The following CHN1 variants were observed in gnomAD, a reference collection of about 807,000 sequenced individuals.
CHN1 encodes chimerin 1, also known as N-chimaerin.
A neutral mutation model predicts 59.5 loss-of-function variants in CHN1; 37 were observed. That is an observed-to-expected ratio of 0.62 (90% CI 0.48 to 0.82). The LOEUF is 0.82. CHN1 is among the 40% of genes least tolerant of loss of function. The pLI is 0.00. For missense variants in CHN1, 469 were observed against 571.0 expected (o/e 0.82, Z 1.82); for synonymous variants, 206 against 200.4 (o/e 1.03, Z -0.24).
At chr2:174,851,826 A>G (rs898762474) in intron 6 of CHN1, among the ~76,000 whole-genome samples, 1 of 152,234 alleles carries the variant, frequency 6.6e-6, no homozygotes, top group Non-Finnish European at 1.5e-5. Context: ...TTCATTGACA[A>G]TATGATTCTA....
chr2:174,939,905 G>A (rs558966591), intron 3 of CHN1, among the ~76,000 whole-genome samples: 11 of 152,134 alleles, frequency 7.2e-5, no homozygotes, highest in African/African-American at 2.4e-4. Flanking sequence ...CTGTAAATTG[G>A]TTCTCTTTGT....
At chr2:174,991,265 T>G (rs1425387826) in intron 1 of CHN1, among the ~76,000 whole-genome samples, 1 of 152,200 alleles carries the variant, frequency 6.6e-6, no homozygotes, top group East Asian at 1.9e-4. Context: ...GCTAACAGCC[T>G]AGAAAAGTCT....
In CHN1 at chr2:174,800,031, A is replaced by G; in HGVS notation, c.*85T>C. ...TATATGCCCAAACCTCTAATCAAGA[A>G]ATAATGCAGCTACAGGAGCAAATTA... On this transcript the variant is annotated 3_prime_UTR_variant, in exon 13 of 13. Coordinates refer to ENST00000409900, the MANE Select transcript of CHN1 (RefSeq NM_001822.7). 1 of 1,289,368 alleles carries G rather than the reference A, an allele frequency of 7.8e-7. No individual in the cohort carries two copies. The highest frequency in any genetic ancestry group is 2.1e-4 in the Middle Eastern group (1 of 4,834). The allele number at this position is 1,289,368 out of a possible 1,614,324, so 79.9% of individuals were successfully genotyped here.
At chr2:174,902,616 C>T (rs1688421911) in intron 5 of CHN1, among the ~76,000 whole-genome samples, 1 of 152,046 alleles carries the variant, frequency 6.6e-6, no homozygotes, top group African/African-American at 2.4e-5. Flanking sequence ...TTCACTTATT[C>T]CAAATAGCAC....
chr2:174,847,212 G>T, intron 6 of CHN1: 1 of 1,469,348 alleles, frequency 6.8e-7, no homozygotes, highest in Non-Finnish European at 9.0e-7. Flanking sequence ...TGAGCATTCT[G>T]CCAGGCAGCA....
Position 175,005,308 on chromosome 2 carries a change from A to C in CHN1, c.-396T>G. 1.7e-6 allele frequency: 2 copies of C among 1,192,604 alleles called. No individual in the cohort carries two copies. Among genetic ancestry groups the C allele is most frequent in the Non-Finnish European group, 2.1e-6 (2 of 944,718 alleles). The allele number at this position is 1,192,604 out of a possible 1,614,324, so 73.9% of individuals were successfully genotyped here. On this transcript the variant is annotated 5_prime_UTR_variant, in exon 1 of 13. Transcript: ENST00000409900. ...ACGGGGAGAGCAGCAGCAGCCTCGC[A>C]CAGCCCCCGGCGGGGCGCGCTCACT...
chr2:174,952,234 G>A (rs1690045354), intron 1 of CHN1, 32 bp from the exon 2 acceptor site: 5 of 1,230,314 alleles, frequency 4.1e-6, no homozygotes, highest in Non-Finnish European at 5.5e-6. Context: ...TAACATTACT[G>A]AATATTTAAA....
At chr2:174,902,377 T>G (rs972952038) in intron 5 of CHN1, among the ~76,000 whole-genome samples, 1 of 152,170 alleles carries the variant, frequency 6.6e-6, no homozygotes, top group Non-Finnish European at 1.5e-5. Flanking sequence ...CTGGAATTAT[T>G]ATATCAATGT....
At chr2:174,817,311 G>A (rs1685302564) in intron 8 of CHN1, among the ~76,000 whole-genome samples, 1 of 152,088 alleles carries the variant, frequency 6.6e-6, no homozygotes, top group Admixed American at 6.5e-5. Flanking sequence ...AAAATGCAGT[G>A]ATAAAACTTG....
At chr2:174,933,129 T>C (rs1174605577) in intron 3 of CHN1, among the ~76,000 whole-genome samples, 17 of 152,186 alleles carry the variant, frequency 1.1e-4, no homozygotes, top group Admixed American at 1.1e-3. Context: ...GTTGGAGATG[T>C]CTATTAGACA....
At chr2:174,827,665 T>C (rs1344081391) in intron 7 of CHN1, among the ~76,000 whole-genome samples, 1 of 152,102 alleles carries the variant, frequency 6.6e-6, no homozygotes, top group Admixed American at 6.6e-5. Flanking sequence ...GGTGGTGCTA[T>C]GGCAGTCACC....
chr2:174,823,048 A>G lies in CHN1; in HGVS notation c.712+1386T>C, dbSNP rs1685553583. Reference sequence around the variant, plus strand: ...GGAACATTTCCATGCAATACATACTATATCTTGCTATTCAAAGGAAATGCA... The same window carrying G: ...GGAACATTTCCATGCAATACATACTGTATCTTGCTATTCAAAGGAAATGCA... On this transcript the variant is annotated intron_variant, in intron 8 of 12. Transcript: ENST00000409900. Among the ~76,000 whole-genome samples, 3 of 152,206 alleles carry G rather than the reference A, an allele frequency of 2.0e-5. No homozygotes were observed. In the South Asian group the frequency reaches 6.2e-4, roughly 31 times the overall value.
intron 7 of CHN1, among the ~76,000 whole-genome samples, chr2:174,829,862 T>C (rs76878740): frequency 3.5e-3 from 525 of 152,136 alleles, no homozygotes; most frequent in Non-Finnish European, 6.5e-3. Context: ...GTCAGGAAAG[T>C]TTTTTCTTCC....
chr2:174,853,293 C>A (rs1477054667), intron 6 of CHN1, among the ~76,000 whole-genome samples: 2 of 152,040 alleles, frequency 1.3e-5, no homozygotes, highest in Non-Finnish European at 2.9e-5. Flanking sequence ...AGGACATGAA[C>A]AAACACTTCT....
intron 7 of CHN1, chr2:174,846,379 A>G: frequency 6.5e-7 from 1 of 1,547,852 alleles, no homozygotes; most frequent in Non-Finnish European, 8.7e-7. Flanking sequence ...CAACAGTCCC[A>G]TGGTAGCCAT....
chr2:174,807,446 CTGTG>C (rs71031071), intron 11 of CHN1, among the ~76,000 whole-genome samples: 6,119 of 83,560 alleles, frequency 0.073, 213 homozygotes, highest in Middle Eastern at 0.08. Flanking sequence ...CACGGGCTAT[CTGTG>C]TGTGTGTGTG....
At chr2:174,927,218 G>T (rs1305686335) in intron 3 of CHN1, among the ~76,000 whole-genome samples, 1 of 152,028 alleles carries the variant, frequency 6.6e-6, no homozygotes, top group Non-Finnish European at 1.5e-5. Flanking sequence ...AATTAATTAA[G>T]ACCTGTCTCA....
At chr2:174,910,865 A>C (rs1308291734) in intron 5 of CHN1, among the ~76,000 whole-genome samples, 1 of 138,534 alleles carries the variant, frequency 7.2e-6, no homozygotes, top group African/African-American at 2.8e-5. Context: ...GCGCCACAGC[A>C]CTCCCGCCTG....
chr2:174,804,460 A>T (rs1684823507), intron 11 of CHN1, among the ~76,000 whole-genome samples: 1 of 152,212 alleles, frequency 6.6e-6, no homozygotes, highest in Non-Finnish European at 1.5e-5. Context: ...TGTATTTTTC[A>T]GTTATCTGTA....
Sources: gnomAD v4.1 joint callset for allele counts (sites outside exome capture counted in the v4.1 genomes callset) on GRCh38, gnomAD v4.1.1 for gene constraint, MANE v1.5 for transcripts, NCBI Gene and HGNC (gene_info 2026-07-23, HGNC 2026-07-21) for gene names.